Variants in ANKS1B observed in about 807,000 individuals in gnomAD.
ANKS1B encodes the protein ankyrin repeat and sterile alpha motif domain-containing protein 1B.
A neutral mutation model predicts 148.3 loss-of-function variants in ANKS1B; 36 were observed. The ratio of observed to expected loss-of-function variants is 0.24; its 90% confidence interval spans 0.19 to 0.32. ANKS1B has a LOEUF of 0.32. Among genes scored for constraint, ANKS1B ranks in the 10% least tolerant of loss-of-function variants. The pLI is 1.00. For synonymous variants in ANKS1B, 542 were observed against 560.8 expected, an observed-to-expected ratio of 0.97 and a Z score of 0.47; for missense variants, 1,157 against 1,542.6, an observed-to-expected ratio of 0.75 and a Z score of 4.19.
At chr12:99,322,467 G>A (rs1241039335) in intron 12 of ANKS1B, among the ~76,000 whole-genome samples, 3 of 138,968 alleles carry the variant, frequency 2.2e-5, no homozygotes, top group East Asian at 4.1e-4. Flanking sequence ...ATGTATCCTG[G>A]AACTTAAAGT....
At chr12:98,930,213 A>C (rs2099812508) in intron 17 of ANKS1B, among the ~76,000 whole-genome samples, 1 of 152,178 alleles carries the variant, frequency 6.6e-6, no homozygotes, top group Non-Finnish European at 1.5e-5. Context: ...CATCAGGGAA[A>C]TGCAAATAAA....
At chr12:99,666,944 T>C (rs2098511258) in intron 8 of ANKS1B, among the ~76,000 whole-genome samples, 2 of 151,532 alleles carry the variant, frequency 1.3e-5, no homozygotes, top group Non-Finnish European at 2.9e-5. Context: ...AAGTATACAA[T>C]GTGATGTTAT....
chr12:99,969,533 T>A (rs902518318), intron 1 of ANKS1B, among the ~76,000 whole-genome samples: 1 of 152,170 alleles, frequency 6.6e-6, no homozygotes, highest in African/African-American at 2.4e-5. Context: ...TTTTAAAATG[T>A]CTTTAGGTGA....
In ANKS1B at chr12:99,063,916, G is replaced by A. The variant is rs937595172; in HGVS notation, c.2626-10607C>T. ...TACGTCTGCTACTTGCAGCTCCTTT[G>A]TTTACAATTAGACTCTGTTATGGAT... On this transcript the variant is annotated intron_variant, in intron 16 of 26. Transcript: ENST00000683438. Among the ~76,000 whole-genome samples the A allele has an allele frequency of 9.2e-5, 14 of 152,284 alleles. No individual in the cohort carries two copies. The East Asian group carries it at 1.5e-3, about 17-fold the overall frequency.
chr12:99,261,241 A>T (rs114460700), intron 12 of ANKS1B, among the ~76,000 whole-genome samples: 1,526 of 152,108 alleles, frequency 0.01, 30 homozygotes, highest in African/African-American at 0.034. Flanking sequence ...ATCTTACTTG[A>T]CCTACCAGCT....
chr12:99,227,741 A>G (rs1288616873), intron 14 of ANKS1B, among the ~76,000 whole-genome samples: 1 of 152,198 alleles, frequency 6.6e-6, no homozygotes, highest in Admixed American at 6.5e-5. Flanking sequence ...TCTTCTTACC[A>G]TTTGTATCAC....
At chr12:99,715,544 C>T (rs1043874939) in intron 8 of ANKS1B, among the ~76,000 whole-genome samples, 3 of 152,168 alleles carry the variant, frequency 2.0e-5, no homozygotes, top group East Asian at 1.9e-4. Context: ...AGCTTTATTG[C>T]TCACACAAAG....
chr12:98,790,784 A>G (rs934676496), intron 22 of ANKS1B, among the ~76,000 whole-genome samples: 1 of 152,258 alleles, frequency 6.6e-6, no homozygotes, highest in African/African-American at 2.4e-5. Flanking sequence ...TGGTTGCAAC[A>G]ATGAACTTTC....
At chr12:99,131,984 G>A (rs1430329641) in intron 15 of ANKS1B, among the ~76,000 whole-genome samples, 1 of 152,038 alleles carries the variant, frequency 6.6e-6, no homozygotes, top group African/African-American at 2.4e-5. Flanking sequence ...CTGTTTTCTA[G>A]CCTCTCTTCT....
chr12:99,835,232 T>G, intron 1 of ANKS1B, among the ~76,000 whole-genome samples: 1 of 114,988 alleles, frequency 8.7e-6, no homozygotes, highest in African/African-American at 3.5e-5. Context: ...GGCAACAAGG[T>G]GAAACCCCAT....
chr12:99,938,661 G>A (rs1464224074), intron 1 of ANKS1B, among the ~76,000 whole-genome samples: 1 of 152,182 alleles, frequency 6.6e-6, no homozygotes. Flanking sequence ...GAAAACCAGA[G>A]TTGGTCACAC....
At chr12:99,416,785 A>G (rs547079619) in intron 11 of ANKS1B, among the ~76,000 whole-genome samples, 1 of 152,340 alleles carries the variant, frequency 6.6e-6, no homozygotes, top group South Asian at 2.1e-4. Flanking sequence ...TTTCTCCAGT[A>G]TGTACCTTGT....
intron 10 of ANKS1B, among the ~76,000 whole-genome samples, chr12:99,495,284 G>C (rs367968410): frequency 3.3e-5 from 5 of 151,668 alleles, no homozygotes; most frequent in African/African-American, 1.2e-4. Flanking sequence ...AATCTTACTA[G>C]TCTACAATTC....
chr12:99,382,872 T>C (rs1374142689), intron 12 of ANKS1B, among the ~76,000 whole-genome samples: 1 of 152,130 alleles, frequency 6.6e-6, no homozygotes, highest in Non-Finnish European at 1.5e-5. Context: ...ACAGTAGTTT[T>C]TGCTCAACAT....
chr12:99,476,429 CAATT>C (rs1356777106), intron 10 of ANKS1B, among the ~76,000 whole-genome samples: 2 of 151,940 alleles, frequency 1.3e-5, no homozygotes, highest in Non-Finnish European at 2.9e-5. Context: ...AAAGATATCA[CAATT>C]AATCATCAGA....
intron 1 of ANKS1B, among the ~76,000 whole-genome samples, chr12:99,956,266 A>T (rs2153827699): frequency 6.9e-6 from 1 of 145,048 alleles, no homozygotes; most frequent in South Asian, 2.2e-4. Flanking sequence ...TGACAGAGGG[A>T]GACTCTGTCT....
intron 14 of ANKS1B, among the ~76,000 whole-genome samples, chr12:99,242,420 C>G (rs2089515695): frequency 6.6e-6 from 1 of 152,112 alleles, no homozygotes; most frequent in African/African-American, 2.4e-5. Flanking sequence ...AAGAACATTC[C>G]ATGCTCATGG....
At chr12:99,978,620 G>A (rs541556689) in intron 1 of ANKS1B, among the ~76,000 whole-genome samples, 58 of 152,146 alleles carry the variant, frequency 3.8e-4, no homozygotes, top group Non-Finnish European at 6.8e-4. Flanking sequence ...CTGAAAGTGA[G>A]TTTCTTATAT....
intron 22 of ANKS1B, among the ~76,000 whole-genome samples, chr12:98,783,924 C>T (rs971222119): frequency 1.9e-4 from 29 of 152,114 alleles, no homozygotes; most frequent in Admixed American, 4.6e-4. Flanking sequence ...TTGTGCAAAT[C>T]CAAAGGAGAG....
Sources: allele counts gnomAD v4.1 joint callset (sites outside exome capture counted in the v4.1 genomes callset), GRCh38; gene constraint gnomAD v4.1.1; transcripts MANE v1.5; gene names NCBI Gene and HGNC (gene_info 2026-07-23, HGNC 2026-07-21).